Variants in STK24 observed in about 807,000 individuals in gnomAD.
STK24 encodes the protein serine/threonine kinase 24.
Under a neutral mutation model 55.6 loss-of-function variants are expected in STK24, and 21 were observed. That is an observed-to-expected ratio of 0.38 (90% CI 0.27 to 0.54). STK24 has a LOEUF of 0.54. Among genes scored for constraint, STK24 ranks in the 20% least tolerant of loss-of-function variants. STK24 has a pLI of 0.79. For missense variants in STK24, 383 were observed against 538.4 expected, an observed-to-expected ratio of 0.71 and a Z score of 2.86; for synonymous variants, 200 against 215.2, an observed-to-expected ratio of 0.93 and a Z score of 0.62.
At chr13:98,558,014 C>A (rs1021627027) in intron 1 of STK24, among the ~76,000 whole-genome samples, 2 of 152,152 alleles carry the variant, frequency 1.3e-5, no homozygotes, top group African/African-American at 4.8e-5. Context: ...TTAATTACCC[C>A]CTCCTCTGCG....
intron 2 of STK24, among the ~76,000 whole-genome samples, chr13:98,485,721 T>TG (rs1251514340): frequency 6.6e-6 from 1 of 152,234 alleles, no homozygotes; most frequent in African/African-American, 2.4e-5. Flanking sequence ...GTTAGAAAGA[T>TG]GGAGTCAGTT....
chr13:98,576,951 G>A lies in STK24; in HGVS notation c.-165C>T. On this transcript the variant is annotated 5_prime_UTR_variant, in exon 1 of 11. Coordinates refer to ENST00000539966, the MANE Select transcript of STK24 (RefSeq NM_001032296.4). ...CCCGGCCGGGCGGCGGGGGCTCAGC[G>A]GCGGGTGGCGGGCCGCGTCTCCATG... The A allele has an allele frequency of 4.9e-6, 1 of 206,142 alleles. No homozygotes were observed. Among genetic ancestry groups the A allele is most frequent in the Non-Finnish European group, 8.3e-6 (1 of 120,740 alleles). The allele number at this position is 206,142 out of a possible 1,614,324, so 12.8% of individuals were successfully genotyped here.
intron 3 of STK24, among the ~76,000 whole-genome samples, chr13:98,480,339 T>G (rs1318220543): frequency 1.3e-5 from 2 of 152,198 alleles, no homozygotes; most frequent in African/African-American, 4.8e-5. Flanking sequence ...GGAAAAAGAA[T>G]CCCTGTAAAC....
chr13:98,551,772 G>C (rs929756728), intron 1 of STK24, among the ~76,000 whole-genome samples: 1 of 152,210 alleles, frequency 6.6e-6, no homozygotes, highest in Non-Finnish European at 1.5e-5. Flanking sequence ...TGGCCTGTGA[G>C]TTCATTAAGG....
chr13:98,556,151 G>C (rs9513447), intron 1 of STK24, among the ~76,000 whole-genome samples: 1 of 152,094 alleles, frequency 6.6e-6, no homozygotes, highest in Admixed American at 6.5e-5. Flanking sequence ...ATTGTCAGTC[G>C]CATGGCCTGG....
chr13:98,562,639 G>T (rs186159928), intron 1 of STK24, among the ~76,000 whole-genome samples: 4 of 152,286 alleles, frequency 2.6e-5, no homozygotes, highest in Non-Finnish European at 2.9e-5. Context: ...TTCCAGGCTG[G>T]GTGCAGTGGC....
intron 5 of STK24, among the ~76,000 whole-genome samples, chr13:98,469,544 C>A (rs1421808265): frequency 8.1e-5 from 12 of 148,636 alleles, no homozygotes; most frequent in African/African-American, 2.7e-4. Context: ...TCCCCCCCCC[C>A]AAAAAAAAAA....
intron 2 of STK24, among the ~76,000 whole-genome samples, chr13:98,512,986 G>A (rs1408991229): frequency 6.6e-5 from 10 of 152,190 alleles, no homozygotes; most frequent in Admixed American, 2.0e-4. Flanking sequence ...GCTGCGAACC[G>A]GCTTCTGCAG....
chr13:98,521,602 A>G (rs1896262063), intron 1 of STK24, among the ~76,000 whole-genome samples: 1 of 151,586 alleles, frequency 6.6e-6, no homozygotes, highest in African/African-American at 2.4e-5. Flanking sequence ...CTCCCACCTG[A>G]CTCCCCCTAC....
At chr13:98,467,535 C>T (rs1274303750) in intron 5 of STK24, among the ~76,000 whole-genome samples, 1 of 152,140 alleles carries the variant, frequency 6.6e-6, no homozygotes, top group Non-Finnish European at 1.5e-5. Flanking sequence ...TCCCCAGGGA[C>T]ATCAACTTAA....
chr13:98,529,446 A>G (rs534205442), intron 1 of STK24, among the ~76,000 whole-genome samples: 6 of 152,236 alleles, frequency 3.9e-5, no homozygotes, highest in African/African-American at 1.4e-4. Flanking sequence ...TCACTGCTTA[A>G]AACAACTGGG....
intron 2 of STK24, among the ~76,000 whole-genome samples, chr13:98,485,980 G>A (rs932758739): frequency 6.6e-5 from 10 of 152,112 alleles, no homozygotes; most frequent in Non-Finnish European, 2.9e-5. Flanking sequence ...CCACAGAAAT[G>A]GGAGGAAGCG....
chr13:98,495,417 A>C (rs1381764725), intron 2 of STK24, among the ~76,000 whole-genome samples: 1 of 152,256 alleles, frequency 6.6e-6, no homozygotes, highest in Non-Finnish European at 1.5e-5. Context: ...TAGATACCCC[A>C]GACAAGAGGT....
At chr13:98,518,446 C>A (rs1447526396) in intron 2 of STK24, among the ~76,000 whole-genome samples, 1 of 152,156 alleles carries the variant, frequency 6.6e-6, no homozygotes, top group Non-Finnish European at 1.5e-5. Flanking sequence ...CTGTATTCCA[C>A]AATAATTATT....
rs1893579009 is a variant in STK24 at position 98,458,819 on chromosome 13, C to CG, written c.1123-1516dup. On this transcript the variant is annotated intron_variant, in intron 9 of 10. Coordinates refer to ENST00000539966, the MANE Select transcript of STK24 (RefSeq NM_001032296.4). ...GAAGGAAAGCAGGGACGCCAACACC[C>CG]GTCTCCTCAATGTCCTCATCTGTAA... Among the ~76,000 whole-genome samples, 4 of 152,184 alleles carry CG rather than the reference C, an allele frequency of 2.6e-5. No homozygotes were observed. In the South Asian group the frequency reaches 8.3e-4, roughly 32 times the overall value.
intron 1 of STK24, among the ~76,000 whole-genome samples, chr13:98,524,871 G>A (rs528842071): frequency 4.6e-5 from 7 of 152,274 alleles, no homozygotes; most frequent in South Asian, 2.1e-4. Context: ...CCAGGCGTAC[G>A]GCACCTGTAC....
intron 8 of STK24, 35 bp from the exon 9 acceptor site, chr13:98,460,475 AG>A: frequency 6.3e-7 from 1 of 1,578,190 alleles, no homozygotes; most frequent in Non-Finnish European, 8.7e-7. Context: ...CATCAGAAAC[AG>A]TTGACGTTCA....
rs189311680 is a variant in STK24 at position 98,502,022 on chromosome 13, C to A, written c.273+17221G>T. 1.9e-3 allele frequency among the ~76,000 whole-genome samples: 285 copies of A among 152,312 alleles called. 1 individual carries two copies. The highest frequency in any genetic ancestry group is 0.01 in the Middle Eastern group (3 of 294). On this transcript the variant is annotated intron_variant, in intron 2 of 10. Coordinates refer to ENST00000539966, the MANE Select transcript of STK24 (RefSeq NM_001032296.4). Reference sequence around the variant, plus strand: ...CTGCCCCAGCTCTCCAACCCTAAGCCAGCAGAAAACTCTAAAAACTAATCC... The same window carrying A: ...CTGCCCCAGCTCTCCAACCCTAAGCAAGCAGAAAACTCTAAAAACTAATCC...
At chr13:98,509,849 G>GCT (rs58308766) in intron 2 of STK24, among the ~76,000 whole-genome samples, 3 of 151,464 alleles carry the variant, frequency 2.0e-5, no homozygotes, top group South Asian at 2.1e-4. Context: ...TCTCTCTGTC[G>GCT]CTCTCTCTCT....
Sources: allele counts gnomAD v4.1 joint callset (sites outside exome capture counted in the v4.1 genomes callset), GRCh38; gene constraint gnomAD v4.1.1; transcripts MANE v1.5; gene names NCBI Gene and HGNC (gene_info 2026-07-23, HGNC 2026-07-21).